The following ELAVL1 variants were observed in gnomAD, a reference collection of about 807,000 sequenced individuals.
ELAVL1 encodes ELAV like RNA binding protein 1, also known as ELAV-like protein 1.
A neutral mutation model predicts 28.4 loss-of-function variants in ELAVL1; 1 was observed. That is an observed-to-expected ratio of 0.04 (90% CI 0.01 to 0.17). ELAVL1 has a LOEUF of 0.17. Ranked by LOEUF, ELAVL1 falls within the 10% of genes least tolerant of loss-of-function variation. The pLI is 1.00. For missense variants in ELAVL1, 157 were observed against 447.2 expected (o/e 0.35, Z 5.85); for synonymous variants, 174 against 183.5 (o/e 0.95, Z 0.42).
In ELAVL1 at chr19:7,958,705, A is replaced by G. The variant is rs1056833004; in HGVS notation, c.*4778T>C. ...GGGACAATTGAGTCGTTGGAACTGT[A>G]AGCCACGCCCCAAACCGCATCACTC... is the stretch of plus-strand genomic sequence containing the variant. On this transcript the variant is annotated 3_prime_UTR_variant, in exon 6 of 6. Transcript: ENST00000407627. The G allele has an allele frequency of 1.3e-5, 2 of 152,428 alleles. No homozygotes were observed. The highest frequency in any genetic ancestry group is 4.8e-5 in the African/African-American group (2 of 41,468). The allele number at this position is 152,428 out of a possible 1,614,324, so 9.4% of individuals were successfully genotyped here.
chr19:7,984,271 A>C (rs1023751987), intron 2 of ELAVL1, among the ~76,000 whole-genome samples: 2 of 152,166 alleles, frequency 1.3e-5, no homozygotes. Context: ...TGCCATCATG[A>C]AAGCCATCAC....
intron 5 of ELAVL1, among the ~76,000 whole-genome samples, chr19:7,964,235 T>A (rs1419720672): frequency 6.6e-6 from 1 of 152,194 alleles, no homozygotes; most frequent in Non-Finnish European, 1.5e-5. Context: ...TGAACTCCTT[T>A]TTCCAAATTT....
At chr19:8,000,986 C>A (rs11879747) in intron 1 of ELAVL1, among the ~76,000 whole-genome samples, 1 of 152,230 alleles carries the variant, frequency 6.6e-6, no homozygotes, top group East Asian at 1.9e-4. Context: ...CAGGAAAAAA[C>A]CCTGAGCTCT....
intron 4 of ELAVL1, among the ~76,000 whole-genome samples, chr19:7,972,264 A>G (rs1038918836): frequency 6.6e-6 from 1 of 152,206 alleles, no homozygotes; most frequent in East Asian, 1.9e-4. Context: ...AGGCGGGGCC[A>G]CGTGCAGGGC....
chr19:7,990,167 C>T (rs892885689), intron 2 of ELAVL1, among the ~76,000 whole-genome samples: 5 of 152,146 alleles, frequency 3.3e-5, no homozygotes, highest in Admixed American at 6.5e-5. Flanking sequence ...GGATTATAGG[C>T]GTGCGCCACC....
intron 1 of ELAVL1, chr19:8,002,081 A>G: frequency 7.8e-7 from 1 of 1,289,298 alleles, no homozygotes; most frequent in Non-Finnish European, 1.0e-6. Context: ...CCCTCTGCCC[A>G]GTGGACACCT....
At chr19:7,985,663 G>A (rs1032285506) in intron 2 of ELAVL1, among the ~76,000 whole-genome samples, 5 of 152,188 alleles carry the variant, frequency 3.3e-5, no homozygotes, top group African/African-American at 1.2e-4. Context: ...GTCAGTGCTC[G>A]GGGGGCAAAC....
In ELAVL1 at chr19:7,989,252, G is replaced by A. The variant is rs144919101; in HGVS notation, c.172+2392C>T. ...GCAGGCTGAGCAAAGCCAGGTTGCA[G>A]CATGTTCTCCGTAAAGCTCCAGTCA... On this transcript the variant is annotated intron_variant, in intron 2 of 5. Coordinates refer to ENST00000407627, the MANE Select transcript of ELAVL1 (RefSeq NM_001419.3). 4.0e-4 allele frequency among the ~76,000 whole-genome samples: 61 copies of A among 152,330 alleles called. 1 individual carries two copies. Among genetic ancestry groups the A allele is most frequent in the Middle Eastern group, 6.8e-3 (2 of 294 alleles).
intron 2 of ELAVL1, among the ~76,000 whole-genome samples, chr19:7,986,370 G>A (rs12327791): frequency 6.6e-6 from 1 of 152,198 alleles, no homozygotes; most frequent in African/African-American, 2.4e-5. Flanking sequence ...AAAAGAAACA[G>A]GCGAAGGACA....
intron 4 of ELAVL1, among the ~76,000 whole-genome samples, chr19:7,969,294 C>T (rs578176922): frequency 6.6e-6 from 1 of 152,306 alleles, no homozygotes; most frequent in East Asian, 1.9e-4. Flanking sequence ...AAACAACGAC[C>T]AAAGCCAGGC....
chr19:7,964,870 A>G (rs1057360168), intron 5 of ELAVL1, among the ~76,000 whole-genome samples: 4 of 152,218 alleles, frequency 2.6e-5, no homozygotes, highest in African/African-American at 9.6e-5. Flanking sequence ...AGTAGCATAC[A>G]TTTGTGAAGC....
At chr19:7,974,237 G>A (rs1163471759) in intron 3 of ELAVL1, among the ~76,000 whole-genome samples, 9 of 152,248 alleles carry the variant, frequency 5.9e-5, no homozygotes, top group Admixed American at 5.9e-4. Context: ...CCTGAAAGCA[G>A]CCCGTGCTGC....
At chr19:7,978,815 C>T (rs552575236) in intron 3 of ELAVL1, among the ~76,000 whole-genome samples, 2 of 152,276 alleles carry the variant, frequency 1.3e-5, no homozygotes, top group Non-Finnish European at 2.9e-5. Context: ...CTTAAATGTG[C>T]TGGGGCTGTG....
chr19:7,968,076 T>C (rs1404987959), intron 4 of ELAVL1, among the ~76,000 whole-genome samples: 1 of 152,176 alleles, frequency 6.6e-6, no homozygotes, highest in Non-Finnish European at 1.5e-5. Flanking sequence ...CACCCAGGCC[T>C]CTTATTTGGA....
intron 4 of ELAVL1, among the ~76,000 whole-genome samples, chr19:7,971,697 C>T (rs531338465): frequency 2.0e-5 from 3 of 152,332 alleles, no homozygotes; most frequent in East Asian, 1.9e-4. Flanking sequence ...GGTGCCAGGG[C>T]GCGAGTCTGT....
chr19:7,998,208 G>T (rs946717349), intron 1 of ELAVL1, among the ~76,000 whole-genome samples: 1 of 152,072 alleles, frequency 6.6e-6, no homozygotes, highest in African/African-American at 2.4e-5. Flanking sequence ...TCAATCCTGG[G>T]CCAAATCAGC....
In ELAVL1 at chr19:7,966,024, C is replaced by T. The variant is rs184193733; in HGVS notation, c.656+1541G>A. ...CAGCAGCATGTGTGGCACTGGGCAGCGCCCACCCAGCTTCACTGTTAAAAC... is the reference window on the plus strand; with the variant it reads ...CAGCAGCATGTGTGGCACTGGGCAGTGCCCACCCAGCTTCACTGTTAAAAC... On this transcript the variant is annotated intron_variant, in intron 5 of 5. Coordinates refer to ENST00000407627, the MANE Select transcript of ELAVL1 (RefSeq NM_001419.3). Among the ~76,000 whole-genome samples, 3 of 152,264 alleles carry T rather than the reference C, an allele frequency of 2.0e-5. No homozygotes were observed. In the East Asian group the frequency reaches 5.8e-4, roughly 29 times the overall value.
chr19:8,001,567 G>GA (rs2081067901), intron 1 of ELAVL1, among the ~76,000 whole-genome samples: 1 of 152,072 alleles, frequency 6.6e-6, no homozygotes, highest in African/African-American at 2.4e-5. Context: ...TGGCCATCGA[G>GA]CTGTTCAGGA....
intron 4 of ELAVL1, among the ~76,000 whole-genome samples, chr19:7,972,340 C>G (rs1055487868): frequency 1.1e-4 from 17 of 152,270 alleles, no homozygotes; most frequent in Non-Finnish European, 2.1e-4. Flanking sequence ...GGCAGTAGGG[C>G]CGGAGCACAG....
Sources: allele counts gnomAD v4.1 joint callset (sites outside exome capture counted in the v4.1 genomes callset), GRCh38; gene constraint gnomAD v4.1.1; transcripts MANE v1.5; gene names NCBI Gene and HGNC (gene_info 2026-07-23, HGNC 2026-07-21).